Variants in ALK observed in about 807,000 individuals in gnomAD.
ALK encodes ALK tyrosine kinase receptor.
A neutral mutation model predicts 163.1 loss-of-function variants in ALK; 74 were observed. The ratio of observed to expected loss-of-function variants is 0.45; its 90% confidence interval spans 0.38 to 0.55. The LOEUF (loss-of-function observed/expected upper bound fraction) is 0.55, where lower values mean the gene tolerates loss of function less well. Among genes scored for constraint, ALK ranks in the 20% least tolerant of loss-of-function variants. ALK has a pLI of 0.00. For missense variants in ALK, 2,063 were observed against 2,105.3 expected, an observed-to-expected ratio of 0.98 and a Z score of 0.39; for synonymous variants, 960 against 843.2, an observed-to-expected ratio of 1.14 and a Z score of -2.40.
intron 4 of ALK, among the ~76,000 whole-genome samples, chr2:29,399,701 G>A (rs1283175221): frequency 6.6e-6 from 1 of 152,158 alleles, no homozygotes; most frequent in African/African-American, 2.4e-5. Flanking sequence ...GACCGGTGAT[G>A]TCTCTTCCGT....
At chr2:29,834,348 C>T (rs891730711) in intron 1 of ALK, among the ~76,000 whole-genome samples, 2 of 152,118 alleles carry the variant, frequency 1.3e-5, no homozygotes, top group African/African-American at 4.8e-5. Flanking sequence ...TGACACAATG[C>T]CAAGTAGCAG....
chr2:29,200,850 G>T (rs10177215), intron 26 of ALK, among the ~76,000 whole-genome samples: 56,173 of 140,450 alleles, frequency 0.4, 13,354 homozygotes, highest in East Asian at 0.8. Flanking sequence ...TGTGTATATA[G>T]ATACGTATAT....
intron 9 of ALK, among the ~76,000 whole-genome samples, chr2:29,275,845 A>G (rs1665534400): frequency 6.6e-6 from 1 of 152,170 alleles, no homozygotes. Context: ...ATCTGACAGT[A>G]ACTGCTTCGT....
At chr2:29,413,433 G>A (rs7562130) in intron 4 of ALK, among the ~76,000 whole-genome samples, 85,625 of 151,438 alleles carry the variant, frequency 0.57, 24,469 homozygotes, top group East Asian at 0.72. Context: ...TGCAACCTCC[G>A]CCTCCCAGGT....
At chr2:29,385,386 T>G (rs866871915) in intron 4 of ALK, among the ~76,000 whole-genome samples, 8,450 of 150,570 alleles carry the variant, frequency 0.056, 502 homozygotes, top group African/African-American at 0.14. Context: ...CAGGTTGTTT[T>G]TTTTTTTTTT....
intron 1 of ALK, among the ~76,000 whole-genome samples, chr2:29,814,842 T>C (rs1162851676): frequency 1.8e-5 from 2 of 111,030 alleles, no homozygotes; most frequent in Non-Finnish European, 4.4e-5. Flanking sequence ...AAATTGTAAG[T>C]ACAATTTAAA....
chr2:29,621,761 G>T (rs949610186), intron 3 of ALK, among the ~76,000 whole-genome samples: 3 of 152,194 alleles, frequency 2.0e-5, no homozygotes, highest in East Asian at 1.9e-4. Context: ...ACCCCCTCAA[G>T]AATTCAATTG....
At chr2:29,279,231 T>C (rs773939999) in intron 9 of ALK, among the ~76,000 whole-genome samples, 1 of 152,184 alleles carries the variant, frequency 6.6e-6, no homozygotes, top group Non-Finnish European at 1.5e-5. Flanking sequence ...AAGAGTTTGA[T>C]TGACACTGTG....
At chr2:29,912,339 A>G (rs1252656592) in intron 1 of ALK, among the ~76,000 whole-genome samples, 1 of 152,196 alleles carries the variant, frequency 6.6e-6, no homozygotes, top group East Asian at 1.9e-4. Flanking sequence ...AGAAAAAAAT[A>G]TTGAAAGCAA....
At chr2:29,344,116 T>C (rs1667879425) in intron 5 of ALK, among the ~76,000 whole-genome samples, 1 of 152,078 alleles carries the variant, frequency 6.6e-6, no homozygotes, top group Non-Finnish European at 1.5e-5. Context: ...TAGTAGACAA[T>C]GAGGAAAATG....
chr2:29,697,152 T>C (rs371518165), intron 2 of ALK, among the ~76,000 whole-genome samples: 1 of 152,168 alleles, frequency 6.6e-6, no homozygotes, highest in Non-Finnish European at 1.5e-5. Flanking sequence ...TGAAAAATGC[T>C]AGCCAGGCCC....
chr2:29,907,736 G>A (rs1415101018), intron 1 of ALK, among the ~76,000 whole-genome samples: 1 of 151,746 alleles, frequency 6.6e-6, no homozygotes, highest in Non-Finnish European at 1.5e-5. Flanking sequence ...CATGTAAATA[G>A]CTCCCACATC....
chr2:29,530,014 TCC>T, intron 4 of ALK, among the ~76,000 whole-genome samples: 1 of 150,356 alleles, frequency 6.7e-6, no homozygotes, highest in South Asian at 2.1e-4. Flanking sequence ...ACATGGCAAG[TCC>T]CAGGGCTCAT....
intron 1 of ALK, among the ~76,000 whole-genome samples, chr2:29,825,913 T>C (rs1021164253): frequency 6.6e-6 from 1 of 152,122 alleles, no homozygotes; most frequent in Non-Finnish European, 1.5e-5. Context: ...GTTTAGGTGG[T>C]AGGGGTTAGA....
At chr2:29,378,697 T>C (rs1301387156) in intron 5 of ALK, among the ~76,000 whole-genome samples, 1 of 151,664 alleles carries the variant, frequency 6.6e-6, no homozygotes, top group Non-Finnish European at 1.5e-5. Context: ...GCCATGCTGA[T>C]CCTCCCCTCC....
chr2:29,451,430 G>A (rs761672236), intron 4 of ALK, among the ~76,000 whole-genome samples: 10 of 151,912 alleles, frequency 6.6e-5, no homozygotes, highest in African/African-American at 1.2e-4. Context: ...ACACTCTATC[G>A]CCCTCCTTCC....
chr2:29,576,021 C>A (rs552689676), intron 3 of ALK, among the ~76,000 whole-genome samples: 1 of 152,260 alleles, frequency 6.6e-6, no homozygotes, highest in Non-Finnish European at 1.5e-5. Flanking sequence ...GCTCCTGAAG[C>A]TGGAATAAGG....
At chr2:29,264,135 G>A (rs566644129) in intron 11 of ALK, among the ~76,000 whole-genome samples, 3 of 152,174 alleles carry the variant, frequency 2.0e-5, no homozygotes, top group Non-Finnish European at 4.4e-5. Context: ...TCACTCCCCC[G>A]GCCCAGTCTG....
Position 29,210,542 on chromosome 2 carries a change from C to T in ALK, c.3744-664G>A, listed in dbSNP as rs573319231. Among the ~76,000 whole-genome samples the T allele has an allele frequency of 2.0e-5, 3 of 152,246 alleles. No homozygotes were observed. The East Asian group carries it at 5.8e-4, about 29-fold the overall frequency. Reference sequence around the variant, plus strand: ...CTGCCTCCCGGGTTCAAGCAATTCTCCTATTTCAGCCTCCCAAGTAGCTGG... The same window carrying T: ...CTGCCTCCCGGGTTCAAGCAATTCTTCTATTTCAGCCTCCCAAGTAGCTGG... On this transcript the variant is annotated intron_variant, in intron 24 of 28. Transcript: ENST00000389048.
Sources: allele counts gnomAD v4.1 joint callset (sites outside exome capture counted in the v4.1 genomes callset), GRCh38; gene constraint gnomAD v4.1.1; transcripts MANE v1.5; gene names NCBI Gene and HGNC (gene_info 2026-07-23, HGNC 2026-07-21).